The following THRB variants were observed in gnomAD, a reference collection of about 807,000 sequenced individuals.
THRB encodes the protein nuclear receptor subfamily 1 group A member 2.
In THRB, 12 loss-of-function variants were observed where a neutral mutation model predicts 47.8. The observed-to-expected ratio is 0.25, with a 90% confidence interval of 0.16 to 0.41. THRB has a LOEUF of 0.41. THRB is among the 10% of genes least tolerant of loss of function. THRB has a pLI of 1.00. For synonymous variants in THRB, 218 were observed against 212.2 expected, an observed-to-expected ratio of 1.03 and a Z score of -0.24; for missense variants, 348 against 589.2, an observed-to-expected ratio of 0.59 and a Z score of 4.24.
At chr3:24,342,080 T>C (rs908041586) in intron 1 of THRB, among the ~76,000 whole-genome samples, 2 of 151,938 alleles carry the variant, frequency 1.3e-5, no homozygotes, top group Middle Eastern at 3.4e-3. Flanking sequence ...GGTAATTTGT[T>C]ACTATCCCTG....
intron 5 of THRB, among the ~76,000 whole-genome samples, chr3:24,181,121 G>A (rs2041843515): frequency 6.6e-6 from 1 of 152,188 alleles, no homozygotes; most frequent in Non-Finnish European, 1.5e-5. Flanking sequence ...TGAAAGAGAT[G>A]GTTTAAGGCA....
chr3:24,314,695 T>C (rs946348898), intron 2 of THRB, among the ~76,000 whole-genome samples: 2 of 152,164 alleles, frequency 1.3e-5, no homozygotes, highest in African/African-American at 4.8e-5. Flanking sequence ...AGATCGCACA[T>C]TCCCAATTCT....
intron 8 of THRB, among the ~76,000 whole-genome samples, chr3:24,137,780 G>A (rs943196260): frequency 6.6e-6 from 1 of 152,210 alleles, no homozygotes; most frequent in African/African-American, 2.4e-5. Flanking sequence ...GATGGTTACT[G>A]CATGGAGAAG....
rs576861390 is a variant in THRB at position 24,394,703 on chromosome 3, C to T, written c.-260-57332G>A. On this transcript the variant is annotated intron_variant, in intron 1 of 10. Transcript: ENST00000646209. ...TAGCACCACAGCATTCAGCAAGGCACTTCCTGACTCACAGGTCACACACTG... is the reference window on the plus strand; with the variant it reads ...TAGCACCACAGCATTCAGCAAGGCATTTCCTGACTCACAGGTCACACACTG... Among the ~76,000 whole-genome samples, 309 of 152,258 alleles carry T rather than the reference C, an allele frequency of 2.0e-3. 2 individuals are homozygous for T. The highest frequency in any genetic ancestry group is 2.1e-4 in the Non-Finnish European group (14 of 68,012).
intron 1 of THRB, among the ~76,000 whole-genome samples, chr3:24,338,341 T>C (rs763224108): frequency 5.3e-5 from 8 of 152,264 alleles, no homozygotes; most frequent in Non-Finnish European, 1.2e-4. Context: ...TTTTTCCTTT[T>C]TAACATTCAC....
chr3:24,123,794 GA>G (rs1254449952), intron 10 of THRB, among the ~76,000 whole-genome samples: 2 of 152,118 alleles, frequency 1.3e-5, no homozygotes, highest in Non-Finnish European at 2.9e-5. Flanking sequence ...GCAGAGAAGA[GA>G]ACAGCTATAG....
At chr3:24,304,015 C>A (rs1453872456) in intron 2 of THRB, among the ~76,000 whole-genome samples, 1 of 151,062 alleles carries the variant, frequency 6.6e-6, no homozygotes, top group Non-Finnish European at 1.5e-5. Context: ...CCAAAGTTTG[C>A]CCTTATGTGT....
At chr3:24,487,613 G>A (rs1697504263) in intron 1 of THRB, among the ~76,000 whole-genome samples, 1 of 152,158 alleles carries the variant, frequency 6.6e-6, no homozygotes, top group South Asian at 2.1e-4. Flanking sequence ...TGAAAACAAT[G>A]ACAGGGTTTG....
intron 1 of THRB, among the ~76,000 whole-genome samples, chr3:24,340,486 C>CT (rs138578441): frequency 0.026 from 3,759 of 144,130 alleles, 124 homozygotes; most frequent in African/African-American, 0.079. Context: ...TATTAGTGGC[C>CT]TTTTTTTTTT....
intron 3 of THRB, among the ~76,000 whole-genome samples, chr3:24,276,806 G>C (rs1290809983): frequency 6.6e-6 from 1 of 152,248 alleles, no homozygotes; most frequent in African/African-American, 2.4e-5. Flanking sequence ...GGGAGGGAAA[G>C]TCGTATGTGC....
chr3:24,476,310 T>C (rs1384172228), intron 1 of THRB, among the ~76,000 whole-genome samples: 1 of 152,224 alleles, frequency 6.6e-6, no homozygotes, highest in African/African-American at 2.4e-5. Context: ...AGGGTGTTCA[T>C]AGCTTCAGAG....
At chr3:24,250,575 C>A (rs1246623055) in intron 3 of THRB, among the ~76,000 whole-genome samples, 1 of 152,106 alleles carries the variant, frequency 6.6e-6, no homozygotes, top group African/African-American at 2.4e-5. Flanking sequence ...GTGGTGTACA[C>A]CTATAGTCTC....
At chr3:24,419,100 C>T (rs1276575429) in intron 1 of THRB, among the ~76,000 whole-genome samples, 2 of 151,934 alleles carry the variant, frequency 1.3e-5, no homozygotes, top group African/African-American at 4.8e-5. Context: ...ATAGCTAGGA[C>T]ATGGCCACTG....
chr3:24,201,096 A>C (rs2044535787), intron 4 of THRB, among the ~76,000 whole-genome samples: 1 of 152,166 alleles, frequency 6.6e-6, no homozygotes, highest in African/African-American at 2.4e-5. Flanking sequence ...CAGATGGGTC[A>C]AATTGCTTGG....
intron 1 of THRB, among the ~76,000 whole-genome samples, chr3:24,446,396 A>T (rs1002163061): frequency 2.0e-5 from 3 of 151,718 alleles, no homozygotes; most frequent in Non-Finnish European, 2.9e-5. Flanking sequence ...CTTTCCTTCC[A>T]CTCAAAGTCT....
At chr3:24,308,719 G>T (rs879132653) in intron 2 of THRB, among the ~76,000 whole-genome samples, 3 of 152,028 alleles carry the variant, frequency 2.0e-5, no homozygotes, top group Admixed American at 2.0e-4. Context: ...TTAACACTTT[G>T]CCCATGGTAT....
chr3:24,245,625 G>T (rs1375756158), intron 3 of THRB, among the ~76,000 whole-genome samples: 4 of 152,068 alleles, frequency 2.6e-5, no homozygotes, highest in Non-Finnish European at 4.4e-5. Context: ...TATAAACTGA[G>T]GGCCTGGTCA....
At position 24,390,797 on chromosome 3, in the gene THRB, A is replaced by AAAAAT. The variant is rs5847290; in HGVS notation, c.-260-53427_-260-53426insATTTT. 3.4e-3 allele frequency among the ~76,000 whole-genome samples: 463 copies of AAAAAT among 137,848 alleles called. 1 individual carries two copies. The highest frequency in any genetic ancestry group is 0.011 in the African/African-American group (416 of 37,044). The allele number at this position is 137,848 out of a possible 152,430, so 90.4% of individuals were successfully genotyped here. On this transcript the variant is annotated intron_variant, in intron 1 of 10. Coordinates refer to ENST00000646209, the MANE Select transcript of THRB (RefSeq NM_001354712.2). ...ATCTTTACTTTGTAAAAAAAAAAAAAATATATATATATATATAATATTATT... is the reference window on the plus strand; with the variant it reads ...ATCTTTACTTTGTAAAAAAAAAAAAAAAAATATATATATATATATATAATATTATT...
chr3:24,247,031 T>C (rs972862537), intron 3 of THRB, among the ~76,000 whole-genome samples: 3 of 152,218 alleles, frequency 2.0e-5, no homozygotes, highest in Non-Finnish European at 4.4e-5. Context: ...CCATATGATA[T>C]GCTTGAATGT....
Sources: allele counts gnomAD v4.1 joint callset (sites outside exome capture counted in the v4.1 genomes callset), GRCh38; gene constraint gnomAD v4.1.1; transcripts MANE v1.5; gene names NCBI Gene and HGNC (gene_info 2026-07-23, HGNC 2026-07-21).